Variants in CNTLN observed in about 807,000 individuals in gnomAD.
The protein encoded by CNTLN is centlein, centrosomal protein.
A neutral mutation model predicts 180.0 loss-of-function variants in CNTLN; 212 were observed. The ratio of observed to expected loss-of-function variants is 1.18; its 90% CI spans 1.05 to 1.32. The LOEUF is 1.32. CNTLN is among the 40% of genes most tolerant of loss of function. CNTLN has a pLI of 0.00. For synonymous variants in CNTLN, 722 were observed against 563.1 expected (o/e 1.28, Z -3.99); for missense variants, 2,095 against 1,610.9 (o/e 1.30, Z -5.14).
intron 6 of CNTLN, among the ~76,000 whole-genome samples, chr9:17,292,205 C>T (rs917596162): frequency 1.3e-5 from 2 of 151,862 alleles, no homozygotes; most frequent in African/African-American, 2.4e-5. Context: ...TAGGTGATCT[C>T]CCCTTTCTCT....
At chr9:17,335,937 C>CAAA (rs1564005006) in intron 10 of CNTLN, among the ~76,000 whole-genome samples, 1 of 145,156 alleles carries the variant, frequency 6.9e-6, no homozygotes, top group Non-Finnish European at 1.5e-5. Flanking sequence ...AAAACAAAAA[C>CAAA]AAAAACAAAG....
chr9:17,369,740 A>G (rs1474347592), intron 13 of CNTLN, among the ~76,000 whole-genome samples: 1 of 151,770 alleles, frequency 6.6e-6, no homozygotes, highest in East Asian at 2.0e-4. Flanking sequence ...TAATCCCAGC[A>G]CTTTAGGAGG....
chr9:17,423,154 G>GT (rs111960563), intron 18 of CNTLN, among the ~76,000 whole-genome samples: 1,624 of 152,284 alleles, frequency 0.011, 39 homozygotes, highest in African/African-American at 0.037. Flanking sequence ...TGCTGAGGCT[G>GT]TGCTAGGTCA....
chr9:17,203,429 T>G (rs1822690384), intron 2 of CNTLN, among the ~76,000 whole-genome samples: 1 of 152,174 alleles, frequency 6.6e-6, no homozygotes, highest in South Asian at 2.1e-4. Flanking sequence ...TGAAGTGTGT[T>G]TTTCACCTTG....
intron 18 of CNTLN, among the ~76,000 whole-genome samples, chr9:17,455,711 C>G (rs999844426): frequency 2.7e-5 from 4 of 148,116 alleles, no homozygotes; most frequent in Non-Finnish European, 1.5e-5. Flanking sequence ...AAATGGCAGG[C>G]AGGTTTGGGG....
At chr9:17,199,508 G>T (rs1822378893) in intron 2 of CNTLN, among the ~76,000 whole-genome samples, 1 of 152,138 alleles carries the variant, frequency 6.6e-6, no homozygotes, top group South Asian at 2.1e-4. Context: ...ACCATGCCCA[G>T]CTTCCTGACT....
At chr9:17,287,801 G>T (rs946142810) in intron 6 of CNTLN, among the ~76,000 whole-genome samples, 3 of 147,040 alleles carry the variant, frequency 2.0e-5, no homozygotes, top group Admixed American at 1.3e-4. Flanking sequence ...GCGTAGAGGT[G>T]TTTGTAGTAT....
At chr9:17,253,032 A>G (rs1378677951) in intron 5 of CNTLN, among the ~76,000 whole-genome samples, 2 of 151,462 alleles carry the variant, frequency 1.3e-5, no homozygotes, top group African/African-American at 4.8e-5. Context: ...ATCCTATTCT[A>G]TCGCCAATGT....
intron 2 of CNTLN, among the ~76,000 whole-genome samples, chr9:17,223,164 C>T (rs138741419): frequency 6.6e-6 from 1 of 152,118 alleles, no homozygotes; most frequent in East Asian, 1.9e-4. Flanking sequence ...TTGGACAGTG[C>T]AAGTTTTTTC....
chr9:17,475,868 C>A (rs1564137828), intron 23 of CNTLN, among the ~76,000 whole-genome samples: 2 of 55,868 alleles, frequency 3.6e-5, no homozygotes, highest in South Asian at 8.7e-4. Flanking sequence ...GCAAGACTCT[C>A]TCTCAAAAAA....
intron 2 of CNTLN, among the ~76,000 whole-genome samples, chr9:17,153,285 G>T (rs1000457728): frequency 6.6e-5 from 10 of 152,142 alleles, no homozygotes; most frequent in African/African-American, 2.4e-4. Context: ...TTTTGCAGTG[G>T]CCGATACCAG....
At chr9:17,509,055 C>T in the CNTLN span, among the ~76,000 whole-genome samples, 1 of 152,348 alleles carries the variant, frequency 6.6e-6, no homozygotes, top group African/African-American at 2.4e-5. Flanking sequence ...AGATGCACGT[C>T]AGCTTCTTTC....
At chr9:17,407,803 C>T (rs1827508618) in intron 15 of CNTLN, among the ~76,000 whole-genome samples, 1 of 152,060 alleles carries the variant, frequency 6.6e-6, no homozygotes, top group Admixed American at 6.5e-5. Context: ...ACATGATGCT[C>T]CATCATGATA....
chr9:17,199,723 T>C (rs1337406565), intron 2 of CNTLN, among the ~76,000 whole-genome samples: 1 of 152,186 alleles, frequency 6.6e-6, no homozygotes, highest in Non-Finnish European at 1.5e-5. Flanking sequence ...GAGTTCCTTG[T>C]AGATGGTGGA....
At chr9:17,378,536 T>A (rs909564897) in intron 13 of CNTLN, among the ~76,000 whole-genome samples, 1 of 152,180 alleles carries the variant, frequency 6.6e-6, no homozygotes, top group Non-Finnish European at 1.5e-5. Context: ...TTGTTATTGT[T>A]GTTGTTTTCA....
chr9:17,521,902 A>G, the CNTLN span, among the ~76,000 whole-genome samples: 1 of 152,214 alleles, frequency 6.6e-6, no homozygotes, highest in Non-Finnish European at 1.5e-5. Flanking sequence ...ATAGCATTTC[A>G]AAGATTTTAT....
intron 6 of CNTLN, among the ~76,000 whole-genome samples, chr9:17,285,825 G>A (rs1369281450): frequency 2.0e-4 from 20 of 99,770 alleles, no homozygotes; most frequent in Admixed American, 3.1e-4. Flanking sequence ...GTCTGTTCAT[G>A]TCCTTCGCCC....
At chr9:17,297,878 A>G (rs1818059640) in intron 6 of CNTLN, among the ~76,000 whole-genome samples, 1 of 152,220 alleles carries the variant, frequency 6.6e-6, no homozygotes. Context: ...ACCACTTGTT[A>G]ATTCTTGAAA....
At chr9:17,139,451 G>C (rs1203769056) in intron 1 of CNTLN, among the ~76,000 whole-genome samples, 4 of 151,834 alleles carry the variant, frequency 2.6e-5, no homozygotes, top group Non-Finnish European at 4.4e-5. Flanking sequence ...ACTTGAGGTT[G>C]GGAGTTTGAG....
Sources: gnomAD v4.1 joint callset for allele counts (sites outside exome capture counted in the v4.1 genomes callset) on GRCh38, gnomAD v4.1.1 for gene constraint, MANE v1.5 for transcripts, NCBI Gene and HGNC (gene_info 2026-07-23, HGNC 2026-07-21) for gene names.